Variants in OOSP3 observed in about 807,000 individuals in gnomAD.
The protein encoded by OOSP3 is oocyte-secreted protein 3.
chr11:59,890,127 T>G (rs945063257), intron 2 of OOSP3, among the ~76,000 whole-genome samples: 6 of 152,210 alleles, frequency 3.9e-5, no homozygotes, highest in African/African-American at 1.4e-4. Flanking sequence ...TCCATTTGCT[T>G]GGTAAATTTT....
chr11:59,882,341 C>T (rs1716620641), intron 2 of OOSP3, among the ~76,000 whole-genome samples: 1 of 152,002 alleles, frequency 6.6e-6, no homozygotes, highest in South Asian at 2.1e-4. Flanking sequence ...TCGAAATTAC[C>T]TTTCAAGGAC....
At chr11:59,890,293 CTA>C (rs1361351950) in intron 2 of OOSP3, among the ~76,000 whole-genome samples, 1 of 152,008 alleles carries the variant, frequency 6.6e-6, no homozygotes, top group Admixed American at 6.6e-5. Context: ...GTTGATATTG[CTA>C]TGTGTGAATT....
At chr11:59,889,591 T>C (rs1259167959) in intron 2 of OOSP3, among the ~76,000 whole-genome samples, 2 of 152,234 alleles carry the variant, frequency 1.3e-5, no homozygotes, top group African/African-American at 2.4e-5. Flanking sequence ...TCAATTTCCA[T>C]GTAATTGTGT....
rs575406288 is a variant in OOSP3 at position 59,888,211 on chromosome 11, G to A, written c.253-5868G>A. ...TTAAGAAGCTTTTGGCTGAGTCCAT[G>A]GGGTTTTCTAGATATAGGATCACAT... On this transcript the variant is annotated intron_variant, in intron 2 of 4. Transcript: ENST00000646438. 2.6e-5 allele frequency among the ~76,000 whole-genome samples: 4 copies of A among 152,286 alleles called. No homozygotes were observed. The South Asian group carries it at 8.3e-4, about 32-fold the overall frequency.
At chr11:59,884,475 G>GTCTCTCTCTCTCTCTCTCTC (rs60145654) in intron 2 of OOSP3, among the ~76,000 whole-genome samples, 2 of 113,834 alleles carry the variant, frequency 1.8e-5, no homozygotes, top group Non-Finnish European at 3.5e-5. Context: ...CTGTCTGTCT[G>GTCTCTCTCTCTCTCTCTCTC]TCTCTCTCTC....
At chr11:59,895,375 TGTTA>T (rs1853346214) in intron 3 of OOSP3, 123 bp from the exon 4 acceptor site, 1 of 379,010 alleles carries the variant, frequency 2.6e-6, no homozygotes, top group South Asian at 1.5e-4. Context: ...GAGGTAGCAG[TGTTA>T]GTAAGTCTAC....
chr11:59,882,919 T>C (rs945587039), intron 2 of OOSP3, among the ~76,000 whole-genome samples: 1 of 152,210 alleles, frequency 6.6e-6, no homozygotes, highest in Non-Finnish European at 1.5e-5. Context: ...TGCTTGCATG[T>C]TTTCAAAGTT....
intron 3 of OOSP3, among the ~76,000 whole-genome samples, chr11:59,894,589 G>A (rs1234347122): frequency 1.3e-5 from 2 of 152,196 alleles, no homozygotes; most frequent in East Asian, 3.9e-4. Context: ...CTAGGACTCT[G>A]CCTTAAATAG....
intron 2 of OOSP3, among the ~76,000 whole-genome samples, chr11:59,885,615 C>T (rs1205257851): frequency 2.0e-5 from 3 of 152,182 alleles, no homozygotes; most frequent in African/African-American, 7.2e-5. Flanking sequence ...ATAATGGCTT[C>T]CAACTCCATC....
intron 1 of OOSP3, among the ~76,000 whole-genome samples, chr11:59,879,290 G>A (rs139893154): frequency 1.3e-5 from 2 of 152,004 alleles, no homozygotes; most frequent in East Asian, 3.9e-4. Flanking sequence ...TCATAAATCA[G>A]GTTGAGAAAA....
In OOSP3 at chr11:59,893,746, C is replaced by T. The variant is rs867141487; in HGVS notation, c.253-333C>T. Among the ~76,000 whole-genome samples, 7 of 152,222 alleles carry T rather than the reference C, an allele frequency of 4.6e-5. No individual in the cohort carries two copies. In the South Asian group the frequency reaches 1.5e-3, roughly 32 times the overall value. On this transcript the variant is annotated intron_variant, in intron 2 of 4. Transcript: ENST00000646438. ...TCAATATTTTCAGACATCTGGGATACAGCACTGTGATAATGTTTAAGAGCT... is the reference window on the plus strand; with the variant it reads ...TCAATATTTTCAGACATCTGGGATATAGCACTGTGATAATGTTTAAGAGCT...
intron 2 of OOSP3, among the ~76,000 whole-genome samples, chr11:59,889,423 A>G (rs1292734818): frequency 1.3e-5 from 2 of 151,966 alleles, no homozygotes; most frequent in Non-Finnish European, 2.9e-5. Context: ...CAGCTTTTTG[A>G]TGTTAGCATT....
At chr11:59,886,566 T>G (rs748886813) in intron 2 of OOSP3, among the ~76,000 whole-genome samples, 1 of 152,244 alleles carries the variant, frequency 6.6e-6, no homozygotes, top group Non-Finnish European at 1.5e-5. Context: ...GTGGAACTAA[T>G]TTACATTCCC....
At chr11:59,890,726 C>T (rs879025995) in intron 2 of OOSP3, among the ~76,000 whole-genome samples, 28 of 152,096 alleles carry the variant, frequency 1.8e-4, no homozygotes, top group South Asian at 1.0e-3. Context: ...TCCTTCATTT[C>T]GACATTGGAA....
chr11:59,891,651 G>A lies in OOSP3; in HGVS notation c.253-2428G>A, dbSNP rs137940746. ...TTCCTCTGGGAGCTTTGTCCCAGGG[G>A]AGGACCGACCAGATGCCAGCTATTA... On this transcript the variant is annotated intron_variant, in intron 2 of 4. Transcript: ENST00000646438. 1.5e-3 allele frequency among the ~76,000 whole-genome samples: 231 copies of A among 152,316 alleles called. 7 individuals are homozygous for A. In the East Asian group the frequency reaches 0.032, roughly 21 times the overall value.
chr11:59,879,034 C>T (rs1028975805), intron 1 of OOSP3, among the ~76,000 whole-genome samples, 153 bp downstream of exon 1: 2 of 152,102 alleles, frequency 1.3e-5, no homozygotes, highest in African/African-American at 4.8e-5. Context: ...CTCTCTACCA[C>T]CCCGCAAAGC....
intron 2 of OOSP3, among the ~76,000 whole-genome samples, chr11:59,883,907 ATTGAG>A (rs1853225414): frequency 6.6e-6 from 1 of 152,240 alleles, no homozygotes; most frequent in South Asian, 2.1e-4. Context: ...ATAATTTTAA[ATTGAG>A]TACTAATTGT....
At chr11:59,890,209 A>G (rs193282961) in intron 2 of OOSP3, among the ~76,000 whole-genome samples, 13 of 152,244 alleles carry the variant, frequency 8.5e-5, no homozygotes, top group Non-Finnish European at 1.5e-4. Flanking sequence ...CAGCACACCA[A>G]TGAATCTTGT....
At chr11:59,895,443 G>A (rs1238698092) in intron 3 of OOSP3, 59 bp from the exon 4 acceptor site, 1 of 397,364 alleles carries the variant, frequency 2.5e-6, no homozygotes, top group African/African-American at 2.1e-5. Context: ...AGACTTACTG[G>A]TTTGTTTATT....
Sources: allele counts gnomAD v4.1 joint callset (sites outside exome capture counted in the v4.1 genomes callset), GRCh38; gene constraint gnomAD v4.1.1; transcripts MANE v1.5; gene names NCBI Gene and HGNC (gene_info 2026-07-23, HGNC 2026-07-21).